Variants in TMEM183A observed in about 807,000 individuals in gnomAD.
The protein encoded by TMEM183A is chromosome 1 open reading frame 37.
In TMEM183A, 21 loss-of-function variants were observed where a neutral mutation model predicts 46.7. The observed-to-expected ratio is 0.45, with a 90% CI of 0.32 to 0.65. The LOEUF is 0.65. Ranked by LOEUF, TMEM183A falls within the 30% of genes least tolerant of loss-of-function variation. The probability of loss-of-function intolerance (pLI) is 0.04; values close to 1 mark genes in which losing one functional copy is unlikely to be tolerated. For missense variants in TMEM183A, 331 were observed against 481.9 expected, an observed-to-expected ratio of 0.69 and a Z score of 2.93; for synonymous variants, 165 against 180.2, an observed-to-expected ratio of 0.92 and a Z score of 0.68.
At chr1:203,012,780 A>G (rs1656788722) in intron 3 of TMEM183A, among the ~76,000 whole-genome samples, 2 of 152,078 alleles carry the variant, frequency 1.3e-5, no homozygotes, top group Non-Finnish European at 2.9e-5. Context: ...CCCAGGCTGG[A>G]TTGCAGTGGT....
chr1:203,010,049 G>A (rs558854777), intron 3 of TMEM183A, among the ~76,000 whole-genome samples: 12 of 151,646 alleles, frequency 7.9e-5, no homozygotes, highest in Admixed American at 5.3e-4. Context: ...CAGGAGAATC[G>A]CTTGAACCTG....
At position 203,023,196 on chromosome 1, in the gene TMEM183A, A is replaced by G; in HGVS notation, c.*156A>G. ...TTAGGGGAGGGAGAAATGTTGAATC[A>G]AGAGGGAAAACAACTACTATGATTT... On this transcript the variant is annotated 3_prime_UTR_variant, in exon 8 of 8. Coordinates refer to ENST00000367242, the MANE Select transcript of TMEM183A (RefSeq NM_138391.6). 1 of 516,586 alleles carries G rather than the reference A, an allele frequency of 1.9e-6. No homozygotes were observed. The highest frequency in any genetic ancestry group is 3.3e-6 in the Non-Finnish European group (1 of 299,628). 32.0% of individuals were successfully genotyped at this position (516,586 alleles called of 1,614,324 possible). A position where few individuals can be genotyped will look rare whatever the true frequency, so the allele number is the denominator to read the frequency against.
intron 3 of TMEM183A, among the ~76,000 whole-genome samples, chr1:203,009,447 T>G (rs1008310675): frequency 3.9e-5 from 6 of 152,224 alleles, no homozygotes; most frequent in Non-Finnish European, 8.8e-5. Flanking sequence ...TCAGACTTAA[T>G]GAGTCAGAAT....
chr1:203,012,815 G>A (rs1004496797), intron 3 of TMEM183A, among the ~76,000 whole-genome samples: 7 of 152,044 alleles, frequency 4.6e-5, no homozygotes, highest in South Asian at 2.1e-4. Context: ...CCGCAGCCTC[G>A]ACATCCTGGG....
Position 203,007,503 on chromosome 1 carries a change from C to T in TMEM183A, c.38C>T (p.Pro13Leu), listed in dbSNP as rs373833435. ...RGPGPLGRPRPDTVAMPKRGK... is the reference protein window; with the variant it reads ...RGPGPLGRPRLDTVAMPKRGK... ...CCCGGCCCGCTAGGCAGGCCTCGCC[C>T]CGATACGGTCGCCATGCCCAAGAGA... The change falls in exon 1 of 8, where the codon CCC (proline) becomes CTC (leucine). Residue 13 changes from proline to leucine, a missense_variant. Physicochemically the swap from Pro to Leu is moderately conservative, Grantham distance 98 (BLOSUM62 -3). Coordinates refer to ENST00000367242, the MANE Select transcript of TMEM183A (RefSeq NM_138391.6). The T allele has an allele frequency of 6.5e-7, 1 of 1,527,684 alleles. No individual in the cohort carries two copies. Among genetic ancestry groups the T allele is most frequent in the Non-Finnish European group, 8.8e-7 (1 of 1,140,932 alleles). 94.6% of individuals were successfully genotyped at this position (1,527,684 alleles called of 1,614,324 possible). A position where few individuals can be genotyped will look rare whatever the true frequency, so the allele number is the denominator to read the frequency against.
At chr1:203,019,042 C>G (rs982701107) in intron 6 of TMEM183A, among the ~76,000 whole-genome samples, 2 of 150,650 alleles carry the variant, frequency 1.3e-5, no homozygotes, top group Non-Finnish European at 3.0e-5. Flanking sequence ...ATGAAATTGC[C>G]TTACTAAAAC....
At chr1:203,017,549 C>T (rs540975357) in intron 5 of TMEM183A, among the ~76,000 whole-genome samples, 1 of 152,274 alleles carries the variant, frequency 6.6e-6, no homozygotes, top group Admixed American at 6.5e-5. Context: ...TAAGCCCAGG[C>T]CATCTGGCTG....
chr1:203,007,938 AG>A, intron 2 of TMEM183A, 75 bp downstream of exon 2: 1 of 1,562,266 alleles, frequency 6.4e-7, no homozygotes. Context: ...TTTTTCTTGC[AG>A]TCCTTTAGTC....
chr1:203,010,138 C>A (rs371937895), intron 3 of TMEM183A, among the ~76,000 whole-genome samples: 138 of 139,640 alleles, frequency 9.9e-4, no homozygotes, highest in Middle Eastern at 7.0e-3. Flanking sequence ...GACTCTGTCT[C>A]AAAAAAAAAA....
chr1:203,021,027 C>CTTTT (rs869177251), intron 7 of TMEM183A, 79 bp downstream of exon 7: 86 of 697,396 alleles, frequency 1.2e-4, no homozygotes, highest in East Asian at 4.3e-4. Flanking sequence ...AACCGCAGCT[C>CTTTT]TTTTTTTTTT....
intron 5 of TMEM183A, 83 bp downstream of exon 5, chr1:203,016,223 G>C (rs748132789): frequency 1.9e-6 from 3 of 1,593,678 alleles, no homozygotes; most frequent in Non-Finnish European, 2.6e-6. Context: ...CAGCTTCCTT[G>C]ATGGGGAGGG....
At chr1:203,010,489 A>G (rs1311401096) in intron 3 of TMEM183A, among the ~76,000 whole-genome samples, 1 of 152,188 alleles carries the variant, frequency 6.6e-6, no homozygotes, top group African/African-American at 2.4e-5. Flanking sequence ...ACCAATAAGT[A>G]CGGTCAAGAT....
In TMEM183A at chr1:203,008,623, C is replaced by A; in HGVS notation, c.200-20C>A. On this transcript the variant is annotated intron_variant, in intron 2 of 7. Coordinates refer to ENST00000367242, the MANE Select transcript of TMEM183A (RefSeq NM_138391.6). ...GGGTGGAGCTGTGTGCCATCTCATT[C>A]TCCTTTTATTTTCTTCTAGTAAAAT... is the stretch of plus-strand genomic sequence containing the variant. 1 of 1,499,792 alleles carries A rather than the reference C, an allele frequency of 6.7e-7. No homozygotes were observed. The highest frequency in any genetic ancestry group is 8.9e-7 in the Non-Finnish European group (1 of 1,119,666). The allele number at this position is 1,499,792 out of a possible 1,614,324, so 92.9% of individuals were successfully genotyped here.
At chr1:203,021,006 G>C in intron 7 of TMEM183A, 58 bp downstream of exon 7, 1 of 1,347,202 alleles carries the variant, frequency 7.4e-7, no homozygotes, top group East Asian at 2.9e-5. Context: ...TTTTCATTCT[G>C]AAAGGAGGTG....
At chr1:203,016,175 A>T in intron 5 of TMEM183A, 35 bp downstream of exon 5, 1 of 1,613,468 alleles carries the variant, frequency 6.2e-7, no homozygotes, top group South Asian at 1.1e-5. Flanking sequence ...TTGACTAATG[A>T]ACTCTTGTAT....
chr1:203,022,704 A>C, intron 7 of TMEM183A, 151 bp from the exon 8 acceptor site: 1 of 558,516 alleles, frequency 1.8e-6, no homozygotes. Context: ...TCCTTTCTCA[A>C]AAAAAAAAAA....
At chr1:203,022,551 A>AAATTAG (rs1328130321) in intron 7 of TMEM183A, among the ~76,000 whole-genome samples, 22 of 152,078 alleles carry the variant, frequency 1.4e-4, no homozygotes, top group Non-Finnish European at 2.5e-4. Flanking sequence ...AAAAATACAA[A>AAATTAG]AATTAGCCGG....
In TMEM183A at chr1:203,008,655, G is replaced by T; in HGVS notation, c.212G>T (p.Cys71Phe). Residue 71 changes from cysteine to phenylalanine, a missense_variant, in exon 3 of 8, where the codon TGT becomes TTT. Cys to Phe is a radical substitution (Grantham distance 205, BLOSUM62 -2). Around this residue, in one of 2 missense-constraint regions of TMEM183A, gnomAD observed 233 missense variants for 385.8 expected, o/e 0.60. Coordinates refer to ENST00000367242, the MANE Select transcript of TMEM183A (RefSeq NM_138391.6). ...NAVQQEVKSL[C>F]GLEASQVPAE... Reference sequence around the variant, plus strand: ...TATTTTCTTCTAGTAAAATCTCTTTGTGGCTTGGAAGCCTCTCAGGTTCCT... The same window carrying T: ...TATTTTCTTCTAGTAAAATCTCTTTTTGGCTTGGAAGCCTCTCAGGTTCCT... 6.5e-7 allele frequency: 1 copy of T among 1,542,722 alleles called. No individual in the cohort carries two copies. Among genetic ancestry groups the T allele is most frequent in the Non-Finnish European group, 8.7e-7 (1 of 1,145,758 alleles).
intron 2 of TMEM183A, 109 bp from the exon 3 acceptor site, chr1:203,008,534 G>A: frequency 1.2e-6 from 1 of 849,478 alleles, no homozygotes; most frequent in Non-Finnish European, 1.5e-6. Context: ...CTCTCTCAAC[G>A]ATGTTTTTTT....
Sources: allele counts gnomAD v4.1 joint callset (sites outside exome capture counted in the v4.1 genomes callset), GRCh38; gene constraint gnomAD v4.1.1; regional missense constraint gnomAD v4.1.1; transcripts MANE v1.5; gene names NCBI Gene and HGNC (gene_info 2026-07-23, HGNC 2026-07-21).